Variants in CFAP58 observed in about 807,000 individuals in gnomAD.
CFAP58 encodes cilia- and flagella-associated protein 58.
CFAP58 carries 88 observed loss-of-function variants against 119.5 expected under a neutral mutation model. The ratio of observed to expected loss-of-function variants is 0.74; its 90% CI spans 0.62 to 0.88. The LOEUF is 0.88. Among genes scored for constraint, CFAP58 ranks in the 40% least tolerant of loss-of-function variants. The pLI, the probability that CFAP58 is intolerant of heterozygous loss-of-function variation, is 0.00. For missense variants in CFAP58, 990 were observed against 1,021.2 expected (o/e 0.97, Z 0.42); for synonymous variants, 365 against 366.3 (o/e 1.00, Z 0.04).
chr10:104,374,484 C>T (rs1321028097), intron 7 of CFAP58, among the ~76,000 whole-genome samples: 2 of 121,046 alleles, frequency 1.7e-5, no homozygotes, highest in Non-Finnish European at 3.5e-5. Context: ...AAAAAAAAAT[C>T]CAGAAAGGAT....
At chr10:104,385,217 G>A (rs2011898756) in intron 9 of CFAP58, among the ~76,000 whole-genome samples, 1 of 152,102 alleles carries the variant, frequency 6.6e-6, no homozygotes, top group African/African-American at 2.4e-5. Context: ...GCAAGTAGAA[G>A]AAATGCAATT....
At chr10:104,355,984 C>G (rs1263117290) in intron 1 of CFAP58, among the ~76,000 whole-genome samples, 1 of 152,178 alleles carries the variant, frequency 6.6e-6, no homozygotes, top group Non-Finnish European at 1.5e-5. Context: ...GAACCAAGAA[C>G]AGTGCAGTGA....
chr10:104,412,324 G>GTAT lies in CFAP58; in HGVS notation c.2256+5540_2256+5542dup, dbSNP rs569325421. On this transcript the variant is annotated intron_variant, in intron 15 of 17. Transcript: ENST00000369704. ...CTCATTAACAATGTTATTAATAATA[G>GTAT]TATTATTATTAATATCATTAATTAC... 4.7e-3 allele frequency among the ~76,000 whole-genome samples: 708 copies of GTAT among 152,006 alleles called. 1 individual carries two copies. The highest frequency in any genetic ancestry group is 0.037 in the Middle Eastern group (11 of 294).
intron 15 of CFAP58, among the ~76,000 whole-genome samples, chr10:104,444,952 A>C (rs1189585930): frequency 6.6e-6 from 1 of 152,134 alleles, no homozygotes; most frequent in East Asian, 1.9e-4. Flanking sequence ...ACTTTTCTCC[A>C]TACTTGTGGG....
At chr10:104,366,046 A>C in intron 5 of CFAP58, 38 bp downstream of exon 5, 1 of 1,495,442 alleles carries the variant, frequency 6.7e-7, no homozygotes, top group East Asian at 2.4e-5. Flanking sequence ...AACCAAGAAA[A>C]ACCCAGAATG....
rs756169154 is a variant in CFAP58, at chr10:104,365,879, A to G, written c.663A>G (p.Leu221=). 6.2e-7 allele frequency: 1 copy of G among 1,613,442 alleles called. No homozygotes were observed. Among genetic ancestry groups the G allele is most frequent in the East Asian group, 2.2e-5 (1 of 44,810 alleles). Residue 221 remains leucine (L), a synonymous_variant, in exon 5 of 18, where the codon CTA becomes CTG. Coordinates refer to ENST00000369704, the MANE Select transcript of CFAP58 (RefSeq NM_001008723.2). The part of the protein sequence containing the change: ...ASREFRKKEK[L]EKELKQIQAD... ...GGGAGTTCCGGAAGAAGGAAAAACT[A>G]GAGAAAGAGCTCAAGCAGATTCAGG...
chr10:104,395,711 C>T (rs777258401), intron 11 of CFAP58, among the ~76,000 whole-genome samples: 1 of 152,176 alleles, frequency 6.6e-6, no homozygotes, highest in South Asian at 2.1e-4. Context: ...CCAACCAAAA[C>T]CCTGAGGGAA....
At chr10:104,343,703 G>C in the CFAP58 span, among the ~76,000 whole-genome samples, 15 of 152,084 alleles carry the variant, frequency 9.9e-5, no homozygotes, top group Non-Finnish European at 1.8e-4. Context: ...AAAAATGCAG[G>C]CCACAACTTA....
At chr10:104,437,879 AGAGT>A (rs2012959389) in intron 15 of CFAP58, among the ~76,000 whole-genome samples, 1 of 152,214 alleles carries the variant, frequency 6.6e-6, no homozygotes, top group Admixed American at 6.5e-5. Context: ...GTTAAAATTA[AGAGT>A]ATCTGCTCCC....
At chr10:104,374,699 G>A (rs1168100334) in intron 7 of CFAP58, among the ~76,000 whole-genome samples, 1 of 151,846 alleles carries the variant, frequency 6.6e-6, no homozygotes, top group Non-Finnish European at 1.5e-5. Flanking sequence ...GGTGGTTTGG[G>A]TGTGGATTTA....
Position 104,450,221 on chromosome 10 carries a change from C to T in CFAP58, c.2510+17C>T, listed in dbSNP as rs377463223. The T allele has an allele frequency of 4.5e-5, 73 of 1,610,288 alleles. No homozygotes were observed. The African/African-American group carries it at 6.7e-4, about 15-fold the overall frequency. ...ACTTCAAAAGTAAGAATTAGTCAAA[C>T]GTCCTAATTTTGTTGTGCCTATTAT... is the stretch of plus-strand genomic sequence containing the variant. On this transcript the variant is annotated intron_variant, in intron 17 of 17. Transcript: ENST00000369704.
At chr10:104,439,715 A>G (rs973304522) in intron 15 of CFAP58, among the ~76,000 whole-genome samples, 1 of 152,182 alleles carries the variant, frequency 6.6e-6, no homozygotes, top group East Asian at 1.9e-4. Flanking sequence ...AACAACAACA[A>G]CAACAACAAC....
chr10:104,338,894 A>G, the CFAP58 span, among the ~76,000 whole-genome samples: 213 of 149,738 alleles, frequency 1.4e-3, no homozygotes, highest in African/African-American at 5.0e-3. Flanking sequence ...AAGGATTAAA[A>G]TAGCTTACTA....
intron 15 of CFAP58, among the ~76,000 whole-genome samples, chr10:104,423,274 G>A (rs936671432): frequency 6.6e-6 from 1 of 151,860 alleles, no homozygotes; most frequent in African/African-American, 2.4e-5. Context: ...TTTTATTTTG[G>A]TCTCTGATTT....
At chr10:104,392,485 A>G in intron 10 of CFAP58, 91 bp downstream of exon 10, 1 of 893,468 alleles carries the variant, frequency 1.1e-6, no homozygotes, top group Non-Finnish European at 1.6e-6. Flanking sequence ...AATTTAGAAT[A>G]GATTAAAAAA....
chr10:104,356,528 C>T (rs2014545152), intron 1 of CFAP58, among the ~76,000 whole-genome samples: 1 of 152,154 alleles, frequency 6.6e-6, no homozygotes, highest in African/African-American at 2.4e-5. Context: ...CCTTATGAGT[C>T]CTTTGCTCAA....
At chr10:104,358,056 T>C (rs991333595) in intron 1 of CFAP58, among the ~76,000 whole-genome samples, 3 of 149,378 alleles carry the variant, frequency 2.0e-5, no homozygotes, top group African/African-American at 7.5e-5. Context: ...CACATATATG[T>C]ACATATATAC....
In CFAP58 at chr10:104,357,808, T is replaced by C. The variant is rs181568695; in HGVS notation, c.10-533T>C. Among the ~76,000 whole-genome samples, 654 of 137,284 alleles carry C rather than the reference T, an allele frequency of 4.8e-3. 19 individuals carry two copies. The highest frequency in any genetic ancestry group is 0.031 in the South Asian group (145 of 4,686). The allele number at this position is 137,284 out of a possible 152,430, so 90.1% of individuals were successfully genotyped here. ...GTTTATATACATATATATACACACA[T>C]ATATATGTACATATATACACATATA... On this transcript the variant is annotated intron_variant, in intron 1 of 17. Transcript: ENST00000369704.
At chr10:104,405,597 T>C (rs1373708484) in intron 14 of CFAP58, among the ~76,000 whole-genome samples, 1 of 152,238 alleles carries the variant, frequency 6.6e-6, no homozygotes, top group East Asian at 1.9e-4. Context: ...TATATCTTGT[T>C]TGAATTGTAC....
Sources: gnomAD v4.1 joint callset for allele counts (sites outside exome capture counted in the v4.1 genomes callset) on GRCh38, gnomAD v4.1.1 for gene constraint, MANE v1.5 for transcripts, NCBI Gene and HGNC (gene_info 2026-07-23, HGNC 2026-07-21) for gene names.